The following ACSM3 variants were observed in gnomAD, a reference collection of about 807,000 sequenced individuals.
ACSM3 encodes the protein acyl-coenzyme A synthetase ACSM3, mitochondrial.
Under a neutral mutation model 74.1 loss-of-function variants are expected in ACSM3, and 61 were observed. That is an observed-to-expected ratio of 0.82 (90% confidence interval 0.67 to 1.02). ACSM3 has a LOEUF of 1.02. Among genes scored for constraint, ACSM3 ranks in the 50% least tolerant of loss-of-function variants. The pLI is 0.00. For synonymous variants in ACSM3, 213 were observed against 241.5 expected (o/e 0.88, Z 1.09); for missense variants, 660 against 697.0 (o/e 0.95, Z 0.60).
At chr16:20,737,202 A>G (rs1306549271) in intron 1 of ACSM3, 1 of 1,614,070 alleles carries the variant, frequency 6.2e-7, no homozygotes, top group African/African-American at 1.3e-5. Context: ...CAGGCAACAG[A>G]CAGCTTTGAT....
intron 1 of ACSM3, among the ~76,000 whole-genome samples, chr16:20,708,111 G>A (rs112298272): frequency 2.6e-5 from 4 of 152,220 alleles, no homozygotes; most frequent in African/African-American, 7.2e-5. Context: ...GACCAAGCTG[G>A]CCAACATGGT....
chr16:20,780,530 G>C lies in ACSM3; in HGVS notation c.639-184G>C. Reference sequence around the variant, plus strand: ...GCCTTTGATGACAAAGTTTAGTTTTGATTCTAGAAAGCACCTAAAAGGATA... The same window carrying C: ...GCCTTTGATGACAAAGTTTAGTTTTCATTCTAGAAAGCACCTAAAAGGATA... On this transcript the variant is annotated intron_variant, in intron 4 of 13. Transcript: ENST00000289416. The C allele has an allele frequency of 2.4e-6, 3 of 1,246,726 alleles. No individual in the cohort carries two copies. In the Admixed American group the frequency reaches 7.4e-5, roughly 31 times the overall value. 77.2% of individuals were successfully genotyped at this position (1,246,726 alleles called of 1,614,324 possible).
intron 1 of ACSM3, among the ~76,000 whole-genome samples, chr16:20,748,910 T>C (rs2079969676): frequency 1.3e-5 from 2 of 151,738 alleles, no homozygotes; most frequent in Non-Finnish European, 2.9e-5. Context: ...AAATCAGCCA[T>C]GTGTGGTTGT....
At chr16:20,710,252 C>T (rs112015310) in intron 1 of ACSM3, among the ~76,000 whole-genome samples, 9 of 152,146 alleles carry the variant, frequency 5.9e-5, no homozygotes, top group Non-Finnish European at 8.8e-5. Context: ...CCAGCTATGG[C>T]CAAATCTCAT....
chr16:20,682,766 C>T (rs2079473506), intron 1 of ACSM3, among the ~76,000 whole-genome samples: 1 of 152,212 alleles, frequency 6.6e-6, no homozygotes, highest in Admixed American at 6.5e-5. Context: ...GCTTTACACA[C>T]ATTTACACAG....
chr16:20,729,783 T>TAA (rs5816134), intron 1 of ACSM3, among the ~76,000 whole-genome samples: 111 of 143,212 alleles, frequency 7.8e-4, no homozygotes, highest in South Asian at 4.9e-3. Context: ...TGCCTTAAGT[T>TAA]AAAAAAAAAA....
chr16:20,761,426 C>T (rs1301386797), upstream of ACSM3, among the ~76,000 whole-genome samples: 3 of 152,194 alleles, frequency 2.0e-5, no homozygotes, highest in Non-Finnish European at 4.4e-5. Flanking sequence ...TTTTAGTTTA[C>T]AGATTGAGAC....
intron 1 of ACSM3, among the ~76,000 whole-genome samples, chr16:20,699,071 A>G (rs1006005642): frequency 1.3e-5 from 2 of 152,166 alleles, no homozygotes; most frequent in African/African-American, 4.8e-5. Context: ...ACTCACAAGA[A>G]AGCTCTTGGG....
chr16:20,723,104 A>G (rs982486155), intron 1 of ACSM3, among the ~76,000 whole-genome samples: 16 of 152,154 alleles, frequency 1.1e-4, no homozygotes, highest in African/African-American at 3.9e-4. Context: ...TCATTGTTCA[A>G]TTCCCACCTA....
At chr16:20,752,961 TCA>T (rs1567337775) in intron 2 of ACSM3, among the ~76,000 whole-genome samples, 3 of 152,198 alleles carry the variant, frequency 2.0e-5, no homozygotes, top group Non-Finnish European at 4.4e-5. Flanking sequence ...TATGTTAAAC[TCA>T]ACCACATTGA....
At chr16:20,789,638 A>G in intron 9 of ACSM3, 1 of 1,001,440 alleles carries the variant, frequency 1.0e-6, no homozygotes, top group Non-Finnish European at 1.6e-6. Context: ...GCTAAATGAT[A>G]AAAGCAGGTT....
Position 20,792,211 on chromosome 16 carries a change from G to T in ACSM3, c.1455-25G>T, listed in dbSNP as rs1390816968. 2.5e-6 allele frequency: 4 copies of T among 1,614,008 alleles called. No individual in the cohort carries two copies. The South Asian group carries it at 3.3e-5, about 13-fold the overall frequency. On this transcript the variant is annotated intron_variant, in intron 11 of 13. Transcript: ENST00000289416. Reference sequence around the variant, plus strand: ...GAGTGAACCTGCCACTCACCTGTATGTATTCCTGCCATATGTGTTTCTAGC... The same window carrying T: ...GAGTGAACCTGCCACTCACCTGTATTTATTCCTGCCATATGTGTTTCTAGC...
chr16:20,687,160 A>T (rs1251821005), intron 1 of ACSM3, among the ~76,000 whole-genome samples: 1 of 152,042 alleles, frequency 6.6e-6, no homozygotes, highest in East Asian at 1.9e-4. Context: ...GTCTTGCCTG[A>T]CTTGCAGGTC....
chr16:20,753,970 C>G (rs2080008680), intron 2 of ACSM3, among the ~76,000 whole-genome samples: 1 of 152,048 alleles, frequency 6.6e-6, no homozygotes, highest in African/African-American at 2.4e-5. Flanking sequence ...GGAAGAATAA[C>G]TGAGGGAGTA....
chr16:20,786,269 T>A, intron 9 of ACSM3, 111 bp downstream of exon 9: 1 of 1,460,014 alleles, frequency 6.8e-7, no homozygotes, highest in Non-Finnish European at 9.1e-7. Context: ...TCCATTTTAC[T>A]TCCATGATAC....
intron 1 of ACSM3, among the ~76,000 whole-genome samples, chr16:20,730,324 G>A (rs750935838): frequency 6.6e-6 from 1 of 152,218 alleles, no homozygotes; most frequent in Admixed American, 6.5e-5. Flanking sequence ...AAACAAGGCA[G>A]ATAGAAAATT....
intron 1 of ACSM3, among the ~76,000 whole-genome samples, chr16:20,729,739 T>C (rs1255341864): frequency 2.0e-5 from 3 of 151,998 alleles, no homozygotes; most frequent in Non-Finnish European, 2.9e-5. Flanking sequence ...ATTAGGATTC[T>C]TTTGAAGGCA....
intron 1 of ACSM3, chr16:20,722,118 G>A (rs747406993): frequency 4.6e-5 from 7 of 152,174 alleles, no homozygotes; most frequent in Non-Finnish European, 1.0e-4. Context: ...TTCTTGGTCT[G>A]TACACATAAA....
rs534702145 is a variant in ACSM3 at position 20,732,996 on chromosome 16, T to TA, written c.-189-16908dup. The TA allele has an allele frequency of 1.8e-3, 287 of 155,364 alleles. 3 individuals are homozygous for TA. Among genetic ancestry groups the TA allele is most frequent in the South Asian group, 0.01 (50 of 4,870 alleles). 9.6% of individuals were successfully genotyped at this position (155,364 alleles called of 1,614,324 possible). ...AAGAATAGGGACGAACATAGCTTGA[T>TA]AAAAAAGCTGAAGGGTTAAGTAGTA... On this transcript the variant is annotated intron_variant, in intron 1 of 3. Transcript: ENST00000561584.
Sources: allele counts gnomAD v4.1 joint callset (sites outside exome capture counted in the v4.1 genomes callset), GRCh38; gene constraint gnomAD v4.1.1; transcripts MANE v1.5; gene names NCBI Gene and HGNC (gene_info 2026-07-23, HGNC 2026-07-21).